The following CRTC3 variants were observed in gnomAD, a reference collection of about 807,000 sequenced individuals.
CRTC3 encodes CREB-regulated transcription coactivator 3.
Under a neutral mutation model 74.5 loss-of-function variants are expected in CRTC3, and 26 were observed. The ratio of observed to expected loss-of-function variants is 0.35; its 90% CI spans 0.26 to 0.48. The LOEUF (loss-of-function observed/expected upper bound fraction) is 0.48, where lower values mean the gene tolerates loss of function less well. Among genes scored for constraint, CRTC3 ranks in the 20% least tolerant of loss-of-function variants. CRTC3 has a pLI of 0.99. For missense variants in CRTC3, 760 were observed against 787.3 expected, an observed-to-expected ratio of 0.97 and a Z score of 0.41; for synonymous variants, 377 against 325.8, an observed-to-expected ratio of 1.16 and a Z score of -1.69.
rs1281711682 is a variant in CRTC3, at chr15:90,545,075, C to T, written c.231+4938C>T. ...CTATGACTTTGACTATTCTAAGTGC[C>T]TCATATGAGGGAAATCATATACTAT... On this transcript the variant is annotated intron_variant, in intron 2 of 14. Transcript: ENST00000268184. 2.0e-5 allele frequency among the ~76,000 whole-genome samples: 3 copies of T among 152,154 alleles called. No individual in the cohort carries two copies. The East Asian group carries it at 5.8e-4, about 29-fold the overall frequency.
intron 14 of CRTC3, 112 bp from the exon 15 acceptor site, chr15:90,641,820 A>G (rs1205825965): frequency 7.4e-6 from 6 of 806,868 alleles, no homozygotes; most frequent in Non-Finnish European, 1.3e-5. Flanking sequence ...GGGGGTGGTC[A>G]GGATGTGTGG....
Position 90,642,063 on chromosome 15 carries a change from C to G in CRTC3, c.1783C>G (p.Leu595Val). The G allele has an allele frequency of 1.2e-6, 2 of 1,614,030 alleles. No homozygotes were observed. The highest frequency in any genetic ancestry group is 2.7e-5 in the African/African-American group (2 of 75,044). The change falls in exon 15 of 15, where the codon CTC becomes GTC. Residue 595 changes from leucine to valine, a missense_variant. Physicochemically the swap from Leu to Val is conservative, Grantham distance 32 (BLOSUM62 1). Around this residue, in one of 2 missense-constraint regions of CRTC3, gnomAD observed 652 missense variants for 635.2 expected, o/e 1.03. Transcript: ENST00000268184. Reference sequence around the variant, plus strand: ...GATTGAACCCCTGAGCCTGGACGGACTCAACATGTTAAGTGACTCCAGCAT... The same window carrying G: ...GATTGAACCCCTGAGCCTGGACGGAGTCAACATGTTAAGTGACTCCAGCAT... ...LQIEPLSLDG[L>V]NMLSDSSMGL... is the part of the protein sequence containing the mutation.
chr15:90,574,807 G>A (rs191390898), intron 2 of CRTC3, among the ~76,000 whole-genome samples: 119 of 152,184 alleles, frequency 7.8e-4, no homozygotes, highest in African/African-American at 2.8e-3. Context: ...AGTAACGTGT[G>A]TTTTTTCCTG....
In CRTC3 at chr15:90,638,519, C is replaced by A; in HGVS notation, c.1340C>A (p.Pro447His). 6.2e-7 allele frequency: 1 copy of A among 1,613,954 alleles called. No homozygotes were observed. The highest frequency in any genetic ancestry group is 8.5e-7 in the Non-Finnish European group (1 of 1,180,000). Residue 447 changes from proline to histidine, a missense_variant, in exon 12 of 15, where the codon CCT becomes CAT. This residue lies in a region of CRTC3 where 652 missense variants were observed against 635.2 expected (regional missense o/e 1.03). Transcript: ENST00000268184. Reference protein sequence around the residue: ...EAQAQVSPPPPYPAPQELTQP... With the variant: ...EAQAQVSPPPHYPAPQELTQP... Reference sequence around the variant, plus strand: ...CAAGCCCAGGTGTCGCCGCCACCCCCTTACCCTGCACCCCAGGAGCTCACC... The same window carrying A: ...CAAGCCCAGGTGTCGCCGCCACCCCATTACCCTGCACCCCAGGAGCTCACC...
chr15:90,567,691 A>AAAAAAAATAAATAAAT lies in CRTC3; in HGVS notation c.232-25942_232-25941insAAAATAAATAAATAAA, dbSNP rs1967157388. 2.1e-5 allele frequency among the ~76,000 whole-genome samples: 3 copies of AAAAAAAATAAATAAAT among 145,570 alleles called. No individual in the cohort carries two copies. The Admixed American group carries it at 2.1e-4, about 10-fold the overall frequency. ...CAACAAGAGTGAAACTCCGTCTCAAAAAATAAATAAATAAATAAATAAATA... is the reference window on the plus strand; with the variant it reads ...CAACAAGAGTGAAACTCCGTCTCAAAAAAAAAATAAATAAATAAATAAATAAATAAATAAATAAATA... On this transcript the variant is annotated intron_variant, in intron 2 of 14. Coordinates refer to ENST00000268184, the MANE Select transcript of CRTC3 (RefSeq NM_022769.5).
At chr15:90,640,646 C>T (rs1039612021) in intron 13 of CRTC3, among the ~76,000 whole-genome samples, 2 of 151,696 alleles carry the variant, frequency 1.3e-5, no homozygotes, top group South Asian at 2.1e-4. Flanking sequence ...GGCGCCATTG[C>T]ACTCCAGCCT....
chr15:90,571,952 A>C (rs1467557445), intron 2 of CRTC3, among the ~76,000 whole-genome samples: 1 of 152,164 alleles, frequency 6.6e-6, no homozygotes, highest in Non-Finnish European at 1.5e-5. Context: ...ACCTGAGGTC[A>C]GGAGTTCAAG....
intron 2 of CRTC3, among the ~76,000 whole-genome samples, chr15:90,542,275 T>G (rs1011145845): frequency 6.0e-5 from 9 of 150,532 alleles, no homozygotes; most frequent in Non-Finnish European, 1.2e-4. Context: ...AGCTCCTGAG[T>G]TCAAGAGATT....
At chr15:90,599,845 G>A (rs1261082810) in intron 3 of CRTC3, among the ~76,000 whole-genome samples, 1 of 152,192 alleles carries the variant, frequency 6.6e-6, no homozygotes, top group Non-Finnish European at 1.5e-5. Flanking sequence ...AAAGATGGCA[G>A]TGTACTGAGA....
chr15:90,581,434 A>G (rs1394703087), intron 2 of CRTC3, among the ~76,000 whole-genome samples: 8 of 152,164 alleles, frequency 5.3e-5, no homozygotes, highest in African/African-American at 1.9e-4. Context: ...CCTTTGTGAC[A>G]TCGTATGCTT....
intron 11 of CRTC3, among the ~76,000 whole-genome samples, chr15:90,630,033 A>AT (rs752465664): frequency 2.0e-5 from 3 of 152,152 alleles, no homozygotes; most frequent in Non-Finnish European, 4.4e-5. Context: ...CTAATTAATG[A>AT]TTTTTTATTA....
At chr15:90,614,287 T>C in intron 6 of CRTC3, 166 bp from the exon 7 acceptor site, 1 of 548,306 alleles carries the variant, frequency 1.8e-6, no homozygotes, top group Non-Finnish European at 3.2e-6. Flanking sequence ...ATACCTATTT[T>C]TAGTATAAAT....
chr15:90,586,362 C>CTTTTTTTT (rs55985691), intron 2 of CRTC3, among the ~76,000 whole-genome samples: 1 of 81,232 alleles, frequency 1.2e-5, no homozygotes, highest in African/African-American at 5.0e-5. Context: ...GGTAGAACTT[C>CTTTTTTTT]TTTTTTTTTT....
At position 90,642,190 on chromosome 15, in the gene CRTC3, A is replaced by G; in HGVS notation, c.*50A>G. On this transcript the variant is annotated 3_prime_UTR_variant, in exon 15 of 15. Transcript: ENST00000268184. ...TGTTTTTCTGCAACAGCCAAAATAG[A>G]ATGGAATAGAATGAAGCCAGCTGAT... The G allele has an allele frequency of 2.0e-6, 3 of 1,511,408 alleles. No homozygotes were observed. The highest frequency in any genetic ancestry group is 2.8e-6 in the Non-Finnish European group (3 of 1,090,100). The allele number at this position is 1,511,408 out of a possible 1,614,324, so 93.6% of individuals were successfully genotyped here.
At chr15:90,543,587 G>A (rs1966838279) in intron 2 of CRTC3, among the ~76,000 whole-genome samples, 1 of 152,098 alleles carries the variant, frequency 6.6e-6, no homozygotes, top group South Asian at 2.1e-4. Context: ...TGGGCTTGAA[G>A]CGCAAGCTAA....
chr15:90,607,691 G>A (rs192560418), intron 6 of CRTC3, among the ~76,000 whole-genome samples: 6 of 152,282 alleles, frequency 3.9e-5, no homozygotes, highest in African/African-American at 1.2e-4. Flanking sequence ...TCCACAGCAC[G>A]CTCTCCCTCT....
chr15:90,545,714 C>T (rs957442070), intron 2 of CRTC3, among the ~76,000 whole-genome samples: 9 of 151,192 alleles, frequency 6.0e-5, no homozygotes, highest in East Asian at 3.9e-4. Context: ...GTAGCTGGGA[C>T]TACAGGCACC....
At position 90,642,003 on chromosome 15, in the gene CRTC3, G is replaced by A. The variant is rs771850121; in HGVS notation, c.1723G>A (p.Val575Met). Residue 575 changes from valine (V) to methionine (M), a missense_variant, in exon 15 of 15, where the codon GTG becomes ATG. Val to Met is a conservative substitution (Grantham distance 21). Around this residue, in one of 2 missense-constraint regions of CRTC3, gnomAD observed 652 missense variants for 635.2 expected, o/e 1.03. Coordinates refer to ENST00000268184, the MANE Select transcript of CRTC3 (RefSeq NM_022769.5). ...AGGCCTGCCTGAGGTCAGCCTGAAC[G>A]TGGACACTCCATTTCCACTGGAAGA... ...LAGLPEVSLN[V>M]DTPFPLEEEL... 15 of 1,613,870 alleles carry A rather than the reference G, an allele frequency of 9.3e-6. No individual in the cohort carries two copies. The highest frequency in any genetic ancestry group is 2.2e-5 in the East Asian group (1 of 44,886).
At chr15:90,641,768 G>A (rs1050764289) in intron 14 of CRTC3, among the ~76,000 whole-genome samples, 164 bp from the exon 15 acceptor site, 2 of 152,162 alleles carry the variant, frequency 1.3e-5, no homozygotes, top group African/African-American at 4.8e-5. Flanking sequence ...TTGTGCAACT[G>A]ACTGACAAGA....
Sources: gnomAD v4.1 joint callset for allele counts (sites outside exome capture counted in the v4.1 genomes callset) on GRCh38, gnomAD v4.1.1 for gene constraint, gnomAD v4.1.1 regional missense constraint, MANE v1.5 for transcripts, NCBI Gene and HGNC (gene_info 2026-07-23, HGNC 2026-07-21) for gene names.